GRIK2: variants seen among roughly 807,000 people sequenced by gnomAD.
GRIK2 encodes the protein glutamate ionotropic receptor kainate type subunit 2.
Under a neutral mutation model 100.3 loss-of-function variants are expected in GRIK2, and 32 were observed. The ratio of observed to expected loss-of-function variants is 0.32; its 90% CI spans 0.24 to 0.43. GRIK2 has a LOEUF of 0.43. Ranked by LOEUF, GRIK2 falls within the 20% of genes least tolerant of loss-of-function variation. The pLI is 1.00. For missense variants in GRIK2, 843 were observed against 1,114.9 expected (o/e 0.76, Z 3.47); for synonymous variants, 417 against 389.4 (o/e 1.07, Z -0.83).
intron 15 of GRIK2, 52 bp from the exon 16 acceptor site, chr6:102,055,278 T>G: frequency 7.0e-7 from 1 of 1,425,944 alleles, no homozygotes; most frequent in Non-Finnish European, 9.7e-7. Context: ...TAACCTTTAA[T>G]TATGAAATTT....
chr6:101,630,305 G>C (rs1003443997), intron 4 of GRIK2, among the ~76,000 whole-genome samples: 2 of 152,040 alleles, frequency 1.3e-5, no homozygotes, highest in Non-Finnish European at 2.9e-5. Context: ...TTTCTACAAT[G>C]GCTGAACTAA....
At chr6:101,406,072 G>A (rs995135059) in intron 2 of GRIK2, among the ~76,000 whole-genome samples, 2 of 152,016 alleles carry the variant, frequency 1.3e-5, no homozygotes, top group Non-Finnish European at 1.5e-5. Context: ...AAATAAGTAA[G>A]GTTTATTTGC....
intron 6 of GRIK2, 109 bp downstream of exon 6, chr6:101,682,715 T>C (rs1372184057): frequency 3.7e-6 from 2 of 534,844 alleles, no homozygotes; most frequent in Non-Finnish European, 6.7e-6. Flanking sequence ...TTTGTAGTTA[T>C]ATTTTAATTT....
At chr6:101,786,799 G>A (rs1049255107) in intron 7 of GRIK2, among the ~76,000 whole-genome samples, 6 of 152,042 alleles carry the variant, frequency 3.9e-5, no homozygotes, top group Admixed American at 1.3e-4. Flanking sequence ...TTGTGTCCTT[G>A]TCTGCTTTTG....
At chr6:101,656,282 A>G (rs1582903102) in intron 4 of GRIK2, among the ~76,000 whole-genome samples, 2 of 151,286 alleles carry the variant, frequency 1.3e-5, no homozygotes, top group South Asian at 4.2e-4. Flanking sequence ...CAGCCTGGGT[A>G]ACAAGAGAGA....
intron 2 of GRIK2, among the ~76,000 whole-genome samples, chr6:101,517,141 C>T (rs1774626864): frequency 6.6e-6 from 1 of 152,036 alleles, no homozygotes; most frequent in Non-Finnish European, 1.5e-5. Context: ...TAATAGGAAA[C>T]ATTATAATGC....
chr6:101,976,273 A>G (rs1793373479), intron 14 of GRIK2, among the ~76,000 whole-genome samples: 1 of 151,978 alleles, frequency 6.6e-6, no homozygotes, highest in African/African-American at 2.4e-5. Flanking sequence ...TATTTTTCTC[A>G]GTGGAATTGA....
At chr6:101,766,250 G>GA (rs35234704) in intron 7 of GRIK2, among the ~76,000 whole-genome samples, 32 of 147,942 alleles carry the variant, frequency 2.2e-4, no homozygotes, top group East Asian at 5.9e-4. Flanking sequence ...AGAGCAACCT[G>GA]AAAAAAAAAA....
chr6:101,631,173 G>A (rs1377112254), intron 4 of GRIK2, among the ~76,000 whole-genome samples: 1 of 152,118 alleles, frequency 6.6e-6, no homozygotes, highest in Admixed American at 6.6e-5. Context: ...TGATGGAAAA[G>A]AATTGGCTTC....
intron 4 of GRIK2, among the ~76,000 whole-genome samples, chr6:101,657,957 C>T (rs1182083237): frequency 6.6e-6 from 1 of 152,076 alleles, no homozygotes; most frequent in Non-Finnish European, 1.5e-5. Context: ...GCAAGATAAT[C>T]TCCTTTCTAT....
chr6:101,983,685 A>G (rs1347632961), intron 14 of GRIK2, among the ~76,000 whole-genome samples: 1 of 151,834 alleles, frequency 6.6e-6, no homozygotes, highest in Non-Finnish European at 1.5e-5. Context: ...TGCACAAAAC[A>G]GAAATTTTAA....
chr6:101,791,897 T>A (rs967410989), intron 7 of GRIK2, among the ~76,000 whole-genome samples: 1 of 151,960 alleles, frequency 6.6e-6, no homozygotes, highest in Admixed American at 6.5e-5. Context: ...GCTCCTGTAT[T>A]GGGTGCATAT....
At chr6:101,957,108 A>G (rs1393240274) in intron 14 of GRIK2, among the ~76,000 whole-genome samples, 2 of 151,908 alleles carry the variant, frequency 1.3e-5, no homozygotes, top group African/African-American at 4.8e-5. Context: ...TTGCATTCCC[A>G]CCAACAGTGT....
intron 2 of GRIK2, among the ~76,000 whole-genome samples, chr6:101,599,630 G>A (rs766845738): frequency 6.6e-5 from 10 of 151,292 alleles, no homozygotes; most frequent in Non-Finnish European, 1.2e-4. Context: ...ATCTCGTTGT[G>A]GTTTTGATTT....
intron 15 of GRIK2, among the ~76,000 whole-genome samples, chr6:102,039,467 G>A (rs1037340569): frequency 6.6e-6 from 1 of 151,384 alleles, no homozygotes; most frequent in African/African-American, 2.4e-5. Flanking sequence ...TAAAGGCTCG[G>A]AGTGAGTTAA....
chr6:101,960,445 A>G (rs1291694034), intron 14 of GRIK2, among the ~76,000 whole-genome samples: 2 of 152,048 alleles, frequency 1.3e-5, no homozygotes, highest in Non-Finnish European at 2.9e-5. Context: ...GTTCCTTCTC[A>G]TCCTGGAGAA....
At chr6:101,421,600 A>G (rs1776413558) in intron 2 of GRIK2, among the ~76,000 whole-genome samples, 1 of 152,192 alleles carries the variant, frequency 6.6e-6, no homozygotes, top group African/African-American at 2.4e-5. Context: ...TTTATTGAGT[A>G]ATGTCTTAAA....
At chr6:101,792,961 T>A (rs1779994444) in intron 7 of GRIK2, among the ~76,000 whole-genome samples, 1 of 152,186 alleles carries the variant, frequency 6.6e-6, no homozygotes, top group African/African-American at 2.4e-5. Flanking sequence ...ATTCATTTCA[T>A]CTTCCATCAC....
At chr6:101,464,067 C>A (rs980121593) in intron 2 of GRIK2, among the ~76,000 whole-genome samples, 1 of 152,156 alleles carries the variant, frequency 6.6e-6, no homozygotes, top group Non-Finnish European at 1.5e-5. Context: ...TACTTGATTA[C>A]AATACCCTCT....
Sources: allele counts gnomAD v4.1 joint callset (sites outside exome capture counted in the v4.1 genomes callset), GRCh38; gene constraint gnomAD v4.1.1; transcripts MANE v1.5; gene names NCBI Gene and HGNC (gene_info 2026-07-23, HGNC 2026-07-21).